AGBL1: variants seen among roughly 807,000 people sequenced by gnomAD.
AGBL1 encodes the protein AGBL carboxypeptidase 1, also known as cytosolic carboxypeptidase 4.
A neutral mutation model predicts 118.9 loss-of-function variants in AGBL1; 130 were observed. The observed-to-expected ratio is 1.09, with a 90% CI of 0.95 to 1.26. AGBL1 has a LOEUF of 1.26. AGBL1 is among the 50% of genes most tolerant of loss of function. The probability of loss-of-function intolerance (pLI) is 0.00; values close to 1 mark genes in which losing one functional copy is unlikely to be tolerated. For synonymous variants in AGBL1, 555 were observed against 478.9 expected, an observed-to-expected ratio of 1.16 and a Z score of -2.08; for missense variants, 1,584 against 1,298.1, an observed-to-expected ratio of 1.22 and a Z score of -3.38.
At chr15:86,713,984 A>C (rs2086600617) in intron 22 of AGBL1, among the ~76,000 whole-genome samples, 1 of 152,292 alleles carries the variant, frequency 6.6e-6, no homozygotes, top group East Asian at 1.9e-4. Context: ...CGCGCACACA[A>C]AGGCTGAAAG....
intron 3 of AGBL1, among the ~76,000 whole-genome samples, chr15:86,152,629 C>T (rs192627891): frequency 6.6e-6 from 1 of 152,254 alleles, no homozygotes; most frequent in African/African-American, 2.4e-5. Context: ...ACTAAAACAC[C>T]AAAAGCAATG....
chr15:86,112,282 A>T (rs1897435890), intron 1 of AGBL1, among the ~76,000 whole-genome samples: 1 of 152,118 alleles, frequency 6.6e-6, no homozygotes, highest in Admixed American at 6.5e-5. Flanking sequence ...ATTGATAGAA[A>T]GGCTGATAAC....
chr15:86,595,747 A>C (rs919066277), intron 21 of AGBL1, among the ~76,000 whole-genome samples: 3 of 152,116 alleles, frequency 2.0e-5, no homozygotes, highest in Admixed American at 6.6e-5. Context: ...GCGGAGTGAT[A>C]GATATGAGTT....
chr15:86,188,816 T>C (rs1270316195), intron 5 of AGBL1, among the ~76,000 whole-genome samples: 1 of 152,182 alleles, frequency 6.6e-6, no homozygotes, highest in East Asian at 1.9e-4. Context: ...CAGTAAACTA[T>C]TTTCAAAGTG....
chr15:86,391,637 T>C (rs901921350), intron 17 of AGBL1, among the ~76,000 whole-genome samples: 3 of 141,286 alleles, frequency 2.1e-5, no homozygotes, highest in African/African-American at 8.3e-5. Context: ...AATGTTGTTG[T>C]TGGTTTTTTT....
intron 21 of AGBL1, among the ~76,000 whole-genome samples, chr15:86,624,579 A>G (rs1433014758): frequency 6.6e-6 from 1 of 152,228 alleles, no homozygotes; most frequent in Non-Finnish European, 1.5e-5. Context: ...GGCTGCACAT[A>G]AATTTAATTA....
intron 22 of AGBL1, among the ~76,000 whole-genome samples, chr15:86,782,534 T>C (rs577165160): frequency 6.6e-6 from 1 of 152,316 alleles, no homozygotes; most frequent in East Asian, 1.9e-4. Context: ...TTTCCTACTT[T>C]TGTGTGCGTT....
At chr15:86,574,691 C>T (rs2084059262) in intron 21 of AGBL1, among the ~76,000 whole-genome samples, 1 of 146,906 alleles carries the variant, frequency 6.8e-6, no homozygotes, top group African/African-American at 2.5e-5. Context: ...GATTCTTCTG[C>T]CTCAGTCTCC....
intron 21 of AGBL1, among the ~76,000 whole-genome samples, chr15:86,600,014 A>C (rs557807098): frequency 1.3e-5 from 2 of 152,288 alleles, no homozygotes; most frequent in East Asian, 3.9e-4. Context: ...ATTTAGTCCC[A>C]AAATTATGGT....
intron 1 of AGBL1, chr15:86,138,207 A>G (rs2076915051): frequency 6.6e-6 from 1 of 152,176 alleles, no homozygotes; most frequent in African/African-American, 2.4e-5. Context: ...CAGCCTCCCC[A>G]TGCTCTGCCA....
intron 17 of AGBL1, chr15:86,312,519 AACTGTGCGC>A (rs1335588744): frequency 1.3e-5 from 2 of 152,248 alleles, no homozygotes; most frequent in Non-Finnish European, 2.9e-5. Flanking sequence ...CCCCTTAAGC[AACTGTGCGC>A]ATTGTTGCCT....
chr15:87,016,222 T>A (rs749540095), intron 24 of AGBL1, among the ~76,000 whole-genome samples: 1 of 151,530 alleles, frequency 6.6e-6, no homozygotes, highest in Non-Finnish European at 1.5e-5. Context: ...AGGACTGATA[T>A]AAGGCCCAGG....
At chr15:86,821,075 G>T (rs778800190) in intron 22 of AGBL1, among the ~76,000 whole-genome samples, 1 of 151,818 alleles carries the variant, frequency 6.6e-6, no homozygotes, top group Non-Finnish European at 1.5e-5. Flanking sequence ...AAACTAATGG[G>T]AACAGAAAAC....
At chr15:86,219,465 A>T (rs1364785150) in intron 5 of AGBL1, among the ~76,000 whole-genome samples, 1 of 152,172 alleles carries the variant, frequency 6.6e-6, no homozygotes, top group African/African-American at 2.4e-5. Context: ...CCCACTTTAT[A>T]AATGAGAAAG....
rs118017466 is a variant in AGBL1 at position 86,247,786 on chromosome 15, G to A, written c.642G>A (p.Leu214=). ...ANAYVQIRRG[L]LLCLRHIAAL... ...CCTACGTGCAGATCCGACGGGGCTT[G>A]CTGCTCTGCCTCAGGCACATTGCTG... Residue 214 remains leucine, a synonymous_variant, in exon 7 of 23, where the codon TTG becomes TTA. Transcript: ENST00000614907. The A allele has an allele frequency of 2.2e-4, 356 of 1,613,970 alleles. 4 individuals are homozygous for A. The East Asian group carries it at 7.9e-3, about 36-fold the overall frequency.
intron 22 of AGBL1, among the ~76,000 whole-genome samples, chr15:86,799,387 T>A (rs373355936): frequency 3.9e-4 from 60 of 152,244 alleles, no homozygotes; most frequent in African/African-American, 1.4e-3. Context: ...CACACAGAAA[T>A]TGCCCTTGCA....
chr15:86,755,629 C>T (rs146424340), intron 22 of AGBL1, among the ~76,000 whole-genome samples: 1 of 152,178 alleles, frequency 6.6e-6, no homozygotes, highest in Non-Finnish European at 1.5e-5. Flanking sequence ...GCTCACTTGC[C>T]GCTCTATCTT....
chr15:86,120,895 T>C (rs991762617), intron 1 of AGBL1, among the ~76,000 whole-genome samples: 3 of 148,626 alleles, frequency 2.0e-5, no homozygotes, highest in Non-Finnish European at 3.0e-5. Context: ...TGTTTGCTTT[T>C]ATGGATTTTT....
At chr15:86,704,535 TTCA>T (rs1016689520) in intron 22 of AGBL1, among the ~76,000 whole-genome samples, 147 of 152,234 alleles carry the variant, frequency 9.7e-4, no homozygotes, top group African/African-American at 3.4e-3. Flanking sequence ...TCAAAAGAAG[TTCA>T]TCATCACTGG....
Sources: allele counts gnomAD v4.1 joint callset (sites outside exome capture counted in the v4.1 genomes callset), GRCh38; gene constraint gnomAD v4.1.1; transcripts MANE v1.5; gene names NCBI Gene and HGNC (gene_info 2026-07-23, HGNC 2026-07-21).